Variants in TSC22D4 observed in about 807,000 individuals in gnomAD.
TSC22D4 encodes the protein TSC22 domain family protein 4.
Under a neutral mutation model 24.9 loss-of-function variants are expected in TSC22D4, and 5 were observed. The ratio of observed to expected loss-of-function variants is 0.20; its 90% CI spans 0.10 to 0.42. The LOEUF (loss-of-function observed/expected upper bound fraction) is 0.42. Ranked by LOEUF, TSC22D4 falls within the 10% of genes least tolerant of loss-of-function variation. The probability of loss-of-function intolerance (pLI) is 1.00; values close to 1 mark genes in which losing one functional copy is unlikely to be tolerated. For missense variants in TSC22D4, 469 were observed against 547.9 expected, an observed-to-expected ratio of 0.86 and a Z score of 1.44; for synonymous variants, 245 against 243.2, an observed-to-expected ratio of 1.01 and a Z score of -0.07.
intron 3 of TSC22D4, among the ~76,000 whole-genome samples, chr7:100,471,397 G>C (rs888090369): frequency 6.6e-6 from 1 of 152,202 alleles, no homozygotes; most frequent in Non-Finnish European, 1.5e-5. Context: ...CCAGGCTCCA[G>C]CTGCAGTCCA....
chr7:100,468,927 A>C (rs1210230613), intron 3 of TSC22D4, among the ~76,000 whole-genome samples: 1 of 144,714 alleles, frequency 6.9e-6, no homozygotes, highest in African/African-American at 2.6e-5. Context: ...ACAGAGTGAG[A>C]TCTTGTCTCA....
Position 100,477,397 on chromosome 7 carries a change from G to C in TSC22D4, c.642C>G (p.Pro214=). 6.3e-7 allele frequency: 1 copy of C among 1,596,962 alleles called. No individual in the cohort carries two copies. Among genetic ancestry groups the C allele is most frequent in the Non-Finnish European group, 8.5e-7 (1 of 1,171,058 alleles). ...AGTSRAATPL[P]SLRVEAEAGG... ...CAGCCTCCGCTTCCACCCTCAGAGA[G>C]GGCAGGGGCGTGGCAGCCCGGGATG... The change falls in exon 2 of 5, where the codon CCC becomes CCG. Residue 214 remains proline, a synonymous_variant. Coordinates refer to ENST00000300181, the MANE Select transcript of TSC22D4 (RefSeq NM_030935.5). This position sits in a 1 kb window ranked among gnomAD's most constrained non-coding sequence, Gnocchi z 7.8.
In TSC22D4 at chr7:100,474,118, T is replaced by G; in HGVS notation, c.929+156A>C. On this transcript the variant is annotated intron_variant, in intron 3 of 4. Coordinates refer to ENST00000300181, the MANE Select transcript of TSC22D4 (RefSeq NM_030935.5). The surrounding 1 kb of genome is among the most constrained non-coding windows in gnomAD (Gnocchi z 4.3). ...GAGGGAGTGGGTCCGAAATCAACTG[T>G]GTGCAGTGGCTATGCCCAGGCCAGG... 1 of 902,956 alleles carries G rather than the reference T, an allele frequency of 1.1e-6. No homozygotes were observed. Among genetic ancestry groups the G allele is most frequent in the South Asian group, 1.6e-5 (1 of 61,102 alleles). The allele number at this position is 902,956 out of a possible 1,614,324, so 55.9% of individuals were successfully genotyped here. A position where few individuals can be genotyped will look rare whatever the true frequency, so the allele number is the denominator to read the frequency against.
Position 100,477,348 on chromosome 7 carries a change from G to A in TSC22D4, c.691C>T (p.Pro231Ser). Residue 231 changes from proline (P) to serine (S), a missense_variant, in exon 2 of 5, where the codon CCA (proline) becomes TCA (serine). Physicochemically the swap from Pro to Ser is moderately conservative, Grantham distance 74. Coordinates refer to ENST00000300181, the MANE Select transcript of TSC22D4 (RefSeq NM_030935.5). This position sits in a 1 kb window ranked among gnomAD's most constrained non-coding sequence, Gnocchi z 7.8. ...EAGGSGARTPPLSRRKAVDMR... is the reference protein window; with the variant it reads ...EAGGSGARTPSLSRRKAVDMR... Reference sequence around the variant, plus strand: ...TCTACAGCTTTCCTCCGGGACAGTGGAGGGGTCCTGGCCCCTGAGCCCCCA... The same window carrying A: ...TCTACAGCTTTCCTCCGGGACAGTGAAGGGGTCCTGGCCCCTGAGCCCCCA... 1 of 1,564,008 alleles carries A rather than the reference G, an allele frequency of 6.4e-7. No individual in the cohort carries two copies. Among genetic ancestry groups the A allele is most frequent in the East Asian group, 2.2e-5 (1 of 44,478 alleles).
intron 3 of TSC22D4, among the ~76,000 whole-genome samples, chr7:100,473,589 G>A (rs1387794182): frequency 4.0e-5 from 6 of 151,520 alleles, no homozygotes; most frequent in Non-Finnish European, 5.9e-5. Flanking sequence ...TTACAGGCAC[G>A]TACCACCACG....
chr7:100,469,227 T>TAAA (rs57659736), intron 3 of TSC22D4, among the ~76,000 whole-genome samples: 2,334 of 130,292 alleles, frequency 0.018, 77 homozygotes, highest in African/African-American at 0.06. Context: ...AACTCTGTCT[T>TAAA]AAAAAAAAAA....
chr7:100,468,050 C>A, intron 3 of TSC22D4: 1 of 427,558 alleles, frequency 2.3e-6, no homozygotes, highest in Admixed American at 3.2e-5. Flanking sequence ...CTGGCTGGTG[C>A]CAGGCAGGCA....
At chr7:100,467,682 C>CA in intron 3 of TSC22D4, 82 bp from the exon 4 acceptor site, 1 of 1,320,280 alleles carries the variant, frequency 7.6e-7, no homozygotes, top group Non-Finnish European at 1.1e-6. Flanking sequence ...CTCCCGCCCA[C>CA]ACCCCCCTGT....
In TSC22D4 at chr7:100,477,243, G is replaced by T; in HGVS notation, c.762+34C>A. 1 of 1,455,930 alleles carries T rather than the reference G, an allele frequency of 6.9e-7. No individual in the cohort carries two copies. The highest frequency in any genetic ancestry group is 9.1e-7 in the Non-Finnish European group (1 of 1,100,508). The allele number at this position is 1,455,930 out of a possible 1,614,324, so 90.2% of individuals were successfully genotyped here. A position where few individuals can be genotyped will look rare whatever the true frequency, so the allele number is the denominator to read the frequency against. ...AGGCTCAAGATAGAGGTTAGGCCAGGGCTGATGGGCCAGCCCTAGAACCCA... is the reference window on the plus strand; with the variant it reads ...AGGCTCAAGATAGAGGTTAGGCCAGTGCTGATGGGCCAGCCCTAGAACCCA... On this transcript the variant is annotated intron_variant, in intron 2 of 4. Transcript: ENST00000300181. This position sits in a 1 kb window ranked among gnomAD's most constrained non-coding sequence, Gnocchi z 7.8.
chr7:100,478,397 G>A, intron 1 of TSC22D4, 90 bp from the exon 2 acceptor site: 1 of 229,506 alleles, frequency 4.4e-6, no homozygotes, highest in South Asian at 7.2e-5. Context: ...GTGTGTGTGT[G>A]TGTGAAACCA....
rs1200516180 is a variant in TSC22D4, at chr7:100,474,609, T to C, written c.763-169A>G. On this transcript the variant is annotated intron_variant, in intron 2 of 4. Transcript: ENST00000300181. This position sits in a 1 kb window ranked among gnomAD's most constrained non-coding sequence, Gnocchi z 4.3. The stretch of plus-strand genomic sequence containing the variant: ...CCTCCTCCAGCTCTGGAGAAGGCAT[T>C]AGGCAGGTACTAGAAGCAAGAAGTG... Among the ~76,000 whole-genome samples, 1 of 152,054 alleles carries C rather than the reference T, an allele frequency of 6.6e-6. No individual in the cohort carries two copies. Among genetic ancestry groups the C allele is most frequent in the Non-Finnish European group, 1.5e-5 (1 of 67,992 alleles).
rs374840584 is a variant in TSC22D4, at chr7:100,474,470, T to C, written c.763-30A>G. The C allele has an allele frequency of 9.2e-5, 148 of 1,611,656 alleles. No individual in the cohort carries two copies. The highest frequency in any genetic ancestry group is 8.0e-4 in the South Asian group (73 of 90,990). On this transcript the variant is annotated intron_variant, in intron 2 of 4. Coordinates refer to ENST00000300181, the MANE Select transcript of TSC22D4 (RefSeq NM_030935.5). This position sits in a 1 kb window ranked among gnomAD's most constrained non-coding sequence, Gnocchi z 4.3. ...AGGCGGAGAGGTAGGAACCATCACA[T>C]GAAAAGAGAAAAGAAAGGAACCAGC...
At position 100,477,802 on chromosome 7, in the gene TSC22D4, G is replaced by T; in HGVS notation, c.237C>A (p.His79Gln). 6.2e-7 allele frequency: 1 copy of T among 1,607,314 alleles called. No individual in the cohort carries two copies. The change falls in exon 2 of 5, where the codon CAC becomes CAA. Residue 79 changes from histidine to glutamine, a missense_variant. Coordinates refer to ENST00000300181, the MANE Select transcript of TSC22D4 (RefSeq NM_030935.5). This position sits in a 1 kb window ranked among gnomAD's most constrained non-coding sequence, Gnocchi z 7.8. ...CGCGGCGATAAGGCTCTCCCAGGCCGTGGGGCAGCTTCACCACCCGGAAAC... is the reference window on the plus strand; with the variant it reads ...CGCGGCGATAAGGCTCTCCCAGGCCTTGGGGCAGCTTCACCACCCGGAAAC... ...SSRFRVVKLPHGLGEPYRRGR... is the reference protein window; with the variant it reads ...SSRFRVVKLPQGLGEPYRRGR...
At chr7:100,478,350 A>AGAGAGG (rs1228276528) in intron 1 of TSC22D4, 43 bp from the exon 2 acceptor site, 1 of 82,804 alleles carries the variant, frequency 1.2e-5, no homozygotes. Flanking sequence ...AGAGAGAGAG[A>AGAGAGG]GTGTGTGTGT....
chr7:100,469,199 C>T (rs1584347160), intron 3 of TSC22D4, among the ~76,000 whole-genome samples: 2 of 150,386 alleles, frequency 1.3e-5, no homozygotes, highest in African/African-American at 4.9e-5. Flanking sequence ...TGAATTCCAG[C>T]CTGGACAACA....
chr7:100,472,217 G>T (rs1463018350), intron 3 of TSC22D4, among the ~76,000 whole-genome samples: 1 of 152,110 alleles, frequency 6.6e-6, no homozygotes, highest in African/African-American at 2.4e-5. Context: ...CCAGCCCTGT[G>T]CACACCAGAC....
chr7:100,468,901 C>T (rs1235420469), intron 3 of TSC22D4, among the ~76,000 whole-genome samples: 1 of 136,664 alleles, frequency 7.3e-6, no homozygotes, highest in African/African-American at 2.8e-5. Flanking sequence ...CGTGCTACTG[C>T]ACTCCAGCCT....
At chr7:100,468,167 C>G (rs1799325492) in intron 3 of TSC22D4, 1 of 311,232 alleles carries the variant, frequency 3.2e-6, no homozygotes, top group Admixed American at 4.8e-5. Flanking sequence ...GACCCCCCCT[C>G]CTTTCAGCTC....
rs1457613466 is a variant in TSC22D4 at position 100,466,998 on chromosome 7, T to C, written c.1149A>G (p.Pro383=). Residue 383 remains proline, a synonymous_variant, in exon 5 of 5, where the codon CCA becomes CCG. Transcript: ENST00000300181. ...QLAQLPSSGV[P]RLGPPAPNGP... is the part of the protein sequence containing the mutation. ...CATTGGGCGCAGGGGGCCCAAGCCG[T>C]GGGACCCCCGAGGAGGGCAGCTGAG... 1 of 1,600,434 alleles carries C rather than the reference T, an allele frequency of 6.2e-7. No individual in the cohort carries two copies. Among genetic ancestry groups the C allele is most frequent in the Non-Finnish European group, 8.5e-7 (1 of 1,173,652 alleles).
Sources: gnomAD v4.1 joint callset for allele counts (sites outside exome capture counted in the v4.1 genomes callset) on GRCh38, gnomAD v4.1.1 for gene constraint, Gnocchi (gnomAD v3.1) non-coding constraint, MANE v1.5 for transcripts, NCBI Gene and HGNC (gene_info 2026-07-23, HGNC 2026-07-21) for gene names.